ARHGAP35: variants seen among roughly 807,000 people sequenced by gnomAD.
The protein encoded by ARHGAP35 is rho GTPase-activating protein 35.
A neutral mutation model predicts 111.1 loss-of-function variants in ARHGAP35; 15 were observed. That is an observed-to-expected ratio of 0.13 (90% CI 0.09 to 0.21). The LOEUF is 0.21. ARHGAP35 is among the 10% of genes least tolerant of loss of function. The pLI is 1.00. For synonymous variants in ARHGAP35, 643 were observed against 710.3 expected (o/e 0.91, Z 1.51); for missense variants, 1,262 against 1,873.0 (o/e 0.67, Z 6.02).
At chr19:46,887,808 C>G (rs531137188) in intron 1 of ARHGAP35, among the ~76,000 whole-genome samples, 2 of 152,240 alleles carry the variant, frequency 1.3e-5, no homozygotes, top group South Asian at 4.1e-4. Context: ...AAAAATGCAG[C>G]TTGACTAATT....
At chr19:46,869,709 G>A (rs1464443217) in intron 1 of ARHGAP35, among the ~76,000 whole-genome samples, 2 of 152,010 alleles carry the variant, frequency 1.3e-5, no homozygotes, top group Non-Finnish European at 2.9e-5. Flanking sequence ...GTGTACAAAT[G>A]AAAGTCAGCA....
chr19:46,957,838 G>T (rs2056449554), intron 3 of ARHGAP35, among the ~76,000 whole-genome samples: 1 of 152,228 alleles, frequency 6.6e-6, no homozygotes, highest in African/African-American at 2.4e-5. Flanking sequence ...AGAAGATAAT[G>T]CATAGGGCAT....
intron 3 of ARHGAP35, among the ~76,000 whole-genome samples, chr19:46,968,408 G>A (rs1197686928): frequency 1.3e-5 from 2 of 152,188 alleles, no homozygotes; most frequent in Non-Finnish European, 2.9e-5. Flanking sequence ...GGAATCCACC[G>A]GCAAGGCTAA....
At chr19:46,982,001 G>A (rs908399925) in intron 3 of ARHGAP35, among the ~76,000 whole-genome samples, 41 of 152,152 alleles carry the variant, frequency 2.7e-4, no homozygotes, top group African/African-American at 9.9e-4. Context: ...CTACAAGCAT[G>A]ACACCATGCC....
At chr19:46,944,497 C>T (rs545421111) in intron 3 of ARHGAP35, among the ~76,000 whole-genome samples, 27 of 152,202 alleles carry the variant, frequency 1.8e-4, no homozygotes, top group African/African-American at 6.0e-4. Flanking sequence ...TGTGCTGTTC[C>T]GCAGCTCATT....
Position 46,988,423 on chromosome 19 carries a change from T to C in ARHGAP35, c.3904+357T>C, listed in dbSNP as rs911365252. 1 of 257,936 alleles carries C rather than the reference T, an allele frequency of 3.9e-6. No homozygotes were observed. The highest frequency in any genetic ancestry group is 7.7e-6 in the Non-Finnish European group (1 of 129,184). The allele number at this position is 257,936 out of a possible 1,614,324, so 16.0% of individuals were successfully genotyped here. ...GCAGGCACATGATATACAAGTCGGGTTGAGATGTGATCCTGTTTTGCCAGG... is the reference window on the plus strand; with the variant it reads ...GCAGGCACATGATATACAAGTCGGGCTGAGATGTGATCCTGTTTTGCCAGG... On this transcript the variant is annotated intron_variant, in intron 4 of 6. Transcript: ENST00000672722. The surrounding 1 kb of genome is among the most constrained non-coding windows in gnomAD (Gnocchi z 5.4).
intron 3 of ARHGAP35, among the ~76,000 whole-genome samples, chr19:46,975,537 G>A (rs1031191374): frequency 5.3e-5 from 8 of 152,150 alleles, no homozygotes; most frequent in African/African-American, 1.2e-4. Flanking sequence ...TTAATCTCCC[G>A]TGAGCCAGAG....
At chr19:46,869,476 TTGTGTGTGTGTGTG>T (rs36048282) in intron 1 of ARHGAP35, among the ~76,000 whole-genome samples, 6 of 144,312 alleles carry the variant, frequency 4.2e-5, no homozygotes, top group East Asian at 2.1e-4. Flanking sequence ...AGAAAAAAAA[TTGTGTGTGTGTGTG>T]TGTGTGTGTG....
At chr19:46,951,596 G>A (rs1393938489) in intron 3 of ARHGAP35, among the ~76,000 whole-genome samples, 1 of 152,214 alleles carries the variant, frequency 6.6e-6, no homozygotes, top group East Asian at 1.9e-4. Flanking sequence ...GATAATGATG[G>A]TACTTTGAGT....
intron 3 of ARHGAP35, among the ~76,000 whole-genome samples, chr19:46,975,775 C>T (rs2056576408): frequency 6.6e-6 from 1 of 152,102 alleles, no homozygotes; most frequent in African/African-American, 2.4e-5. Flanking sequence ...AAACAGCCAC[C>T]CTGCAAAAAA....
In ARHGAP35 at chr19:46,874,061, A is replaced by AT. The variant is rs1422429472; in HGVS notation, c.-189+12860dup. 7.9e-5 allele frequency among the ~76,000 whole-genome samples: 12 copies of AT among 152,014 alleles called. No individual in the cohort carries two copies. The East Asian group carries it at 1.7e-3, about 22-fold the overall frequency. On this transcript the variant is annotated intron_variant, in intron 1 of 6. Transcript: ENST00000672722. Reference sequence around the variant, plus strand: ...CTCGCCTGGCTAAGCTATTAATTAAATTTTTTTTCCCAAAGTCCTGTTTTG... The same window carrying AT: ...CTCGCCTGGCTAAGCTATTAATTAAATTTTTTTTTCCCAAAGTCCTGTTTTG...
At chr19:46,870,959 C>T (rs1168123699) in intron 1 of ARHGAP35, among the ~76,000 whole-genome samples, 1 of 152,066 alleles carries the variant, frequency 6.6e-6, no homozygotes, top group Admixed American at 6.6e-5. Context: ...GGCATAATTC[C>T]CTTTTCTACA....
At chr19:46,871,246 G>A (rs947796792) in intron 1 of ARHGAP35, among the ~76,000 whole-genome samples, 1 of 152,232 alleles carries the variant, frequency 6.6e-6, no homozygotes, top group African/African-American at 2.4e-5. Flanking sequence ...AAAAGAGATA[G>A]TGGTCACTGC....
intron 3 of ARHGAP35, among the ~76,000 whole-genome samples, chr19:46,982,868 G>C (rs1018309892): frequency 6.6e-6 from 1 of 151,602 alleles, no homozygotes; most frequent in African/African-American, 2.4e-5. Context: ...AACAAAGTGA[G>C]ACCCCCATCT....
chr19:46,938,352 TA>T (rs1384297304), intron 3 of ARHGAP35, among the ~76,000 whole-genome samples: 1 of 152,098 alleles, frequency 6.6e-6, no homozygotes, highest in Non-Finnish European at 1.5e-5. Context: ...ATTTTATTTT[TA>T]TTTTTATTTT....
intron 5 of ARHGAP35, among the ~76,000 whole-genome samples, chr19:46,991,442 G>C (rs1258370711): frequency 1.3e-5 from 2 of 152,190 alleles, no homozygotes; most frequent in Admixed American, 1.3e-4. Flanking sequence ...AGGAACGGGA[G>C]GTGCTATTGA....
At chr19:46,865,398 C>T (rs965408602) in intron 1 of ARHGAP35, among the ~76,000 whole-genome samples, 18 of 152,212 alleles carry the variant, frequency 1.2e-4, no homozygotes, top group Admixed American at 7.9e-4. Flanking sequence ...TTTACCTGCC[C>T]GCCATTTTCC....
At chr19:46,951,285 C>T (rs1374076403) in intron 3 of ARHGAP35, among the ~76,000 whole-genome samples, 1 of 152,178 alleles carries the variant, frequency 6.6e-6, no homozygotes, top group African/African-American at 2.4e-5. Context: ...GAGACAGCCT[C>T]ATAACAAATA....
chr19:46,955,486 A>T (rs1452118286), intron 3 of ARHGAP35, among the ~76,000 whole-genome samples: 3 of 152,358 alleles, frequency 2.0e-5, no homozygotes, highest in East Asian at 1.9e-4. Flanking sequence ...TCTTGGCAGC[A>T]GCTATGTCAG....
Sources: gnomAD v4.1 joint callset for allele counts (sites outside exome capture counted in the v4.1 genomes callset) on GRCh38, gnomAD v4.1.1 for gene constraint, Gnocchi (gnomAD v3.1) non-coding constraint, MANE v1.5 for transcripts, NCBI Gene and HGNC (gene_info 2026-07-23, HGNC 2026-07-21) for gene names.